The following ZNF438 variants were observed in gnomAD, a reference collection of about 807,000 sequenced individuals.
ZNF438 encodes zinc finger protein 438.
Under a neutral mutation model 38.0 loss-of-function variants are expected in ZNF438, and 25 were observed. That is an observed-to-expected ratio of 0.66 (90% confidence interval 0.48 to 0.92). The LOEUF is 0.92. Ranked by LOEUF, ZNF438 falls within the 40% of genes least tolerant of loss-of-function variation. The probability of loss-of-function intolerance (pLI) is 0.00; values close to 1 mark genes in which losing one functional copy is unlikely to be tolerated. For missense variants in ZNF438, 1,007 were observed against 999.6 expected (o/e 1.01, Z -0.10); for synonymous variants, 372 against 364.1 (o/e 1.02, Z -0.25).
chr10:30,977,022 T>C (rs1376310502), intron 1 of ZNF438, among the ~76,000 whole-genome samples: 1 of 152,158 alleles, frequency 6.6e-6, no homozygotes. Context: ...AAACTGATCA[T>C]AGGCTAGTCC....
chr10:30,986,944 T>C (rs1306001987), intron 1 of ZNF438, among the ~76,000 whole-genome samples: 2 of 152,154 alleles, frequency 1.3e-5, no homozygotes, highest in Non-Finnish European at 2.9e-5. Context: ...TACAGCATCA[T>C]AGAAAGAACA....
chr10:30,954,027 C>T (rs1449174432), intron 1 of ZNF438, among the ~76,000 whole-genome samples: 1 of 152,032 alleles, frequency 6.6e-6, no homozygotes, highest in African/African-American at 2.4e-5. Flanking sequence ...CCTGTAATCC[C>T]AGCTACTCAG....
intron 1 of ZNF438, among the ~76,000 whole-genome samples, chr10:30,957,558 C>A (rs1432618455): frequency 6.6e-6 from 1 of 152,126 alleles, no homozygotes; most frequent in East Asian, 1.9e-4. Context: ...AAACAGGTAT[C>A]TAGTTTCTGC....
At chr10:30,883,059 T>C (rs3006594) in intron 3 of ZNF438, among the ~76,000 whole-genome samples, 49,978 of 151,876 alleles carry the variant, frequency 0.33, 8,590 homozygotes, top group Middle Eastern at 0.4. Flanking sequence ...GATAATGCTC[T>C]ACTATAAAAA....
chr10:30,847,854 C>T (rs2032614748), intron 5 of ZNF438, among the ~76,000 whole-genome samples: 1 of 152,260 alleles, frequency 6.6e-6, no homozygotes, highest in African/African-American at 2.4e-5. Context: ...CGCTCACTCA[C>T]ACATCCCTCA....
intron 1 of ZNF438, among the ~76,000 whole-genome samples, chr10:31,005,864 G>C (rs963798214): frequency 7.9e-5 from 12 of 152,190 alleles, no homozygotes; most frequent in Non-Finnish European, 1.8e-4. Context: ...TATTGTGAAA[G>C]ATATGCATAT....
chr10:30,887,842 C>A (rs961829736), intron 3 of ZNF438, among the ~76,000 whole-genome samples: 1 of 152,172 alleles, frequency 6.6e-6, no homozygotes, highest in African/African-American at 2.4e-5. Flanking sequence ...TCCACCCTCA[C>A]CTATGGCCCC....
intron 1 of ZNF438, among the ~76,000 whole-genome samples, chr10:31,015,792 C>T (rs1589732161): frequency 6.6e-6 from 1 of 152,188 alleles, no homozygotes; most frequent in African/African-American, 2.4e-5. Flanking sequence ...AAGATCATGG[C>T]GCTGGCATTG....
At chr10:30,945,799 T>C (rs1589338248) in intron 1 of ZNF438, among the ~76,000 whole-genome samples, 1 of 110,814 alleles carries the variant, frequency 9.0e-6, no homozygotes, top group Admixed American at 1.1e-4. Flanking sequence ...ATCCAGTCTA[T>C]CATTGTTGGA....
intron 1 of ZNF438, among the ~76,000 whole-genome samples, chr10:30,948,100 T>G (rs1178649290): frequency 6.6e-6 from 1 of 151,940 alleles, no homozygotes; most frequent in Non-Finnish European, 1.5e-5. Flanking sequence ...CCCTGACCCC[T>G]GAGCAGCCTA....
intron 2 of ZNF438, among the ~76,000 whole-genome samples, chr10:30,939,027 C>T (rs1428834145): frequency 6.6e-6 from 1 of 152,140 alleles, no homozygotes; most frequent in Non-Finnish European, 1.5e-5. Flanking sequence ...ATCTCCTGAT[C>T]TTGTGATCTA....
intron 1 of ZNF438, among the ~76,000 whole-genome samples, chr10:31,025,755 T>G (rs2056896635): frequency 6.6e-6 from 1 of 152,164 alleles, no homozygotes; most frequent in Admixed American, 6.5e-5. Flanking sequence ...TAGCCATTAG[T>G]GTAATGTGTT....
At chr10:30,953,653 TAC>T (rs577376877) in intron 1 of ZNF438, among the ~76,000 whole-genome samples, 18,830 of 95,004 alleles carry the variant, frequency 0.2, 1,494 homozygotes, top group Middle Eastern at 0.34. Flanking sequence ...AAAAAAAACA[TAC>T]ACACACACAC....
Position 30,857,759 on chromosome 10 carries a change from T to C in ZNF438, c.38-7392A>G, listed in dbSNP as rs571153886. 4.4e-5 allele frequency: 64 copies of C among 1,457,862 alleles called. No homozygotes were observed. The Admixed American group carries it at 7.0e-4, about 16-fold the overall frequency. 90.3% of individuals were successfully genotyped at this position (1,457,862 alleles called of 1,614,324 possible). A position where few individuals can be genotyped will look rare whatever the true frequency, so the allele number is the denominator to read the frequency against. ...CAACGTGTGTCCTCCTCCTCCTCCA[T>C]TGCCATCAAAGGATTGGATCTGATG... On this transcript the variant is annotated intron_variant, in intron 4 of 5. Coordinates refer to ENST00000413025, the Ensembl canonical transcript of ZNF438.
intron 2 of ZNF438, among the ~76,000 whole-genome samples, chr10:30,930,025 G>A (rs936027243): frequency 1.6e-4 from 25 of 152,204 alleles, no homozygotes; most frequent in Admixed American, 9.8e-4. Flanking sequence ...CGCCAGGGCC[G>A]CAGGTGGAGC....
intron 1 of ZNF438, among the ~76,000 whole-genome samples, chr10:31,009,066 A>G (rs2055411840): frequency 6.6e-6 from 1 of 152,196 alleles, no homozygotes; most frequent in Non-Finnish European, 1.5e-5. Context: ...TCCTTAGAGA[A>G]ATGTCTATTT....
rs114115756 is a variant in ZNF438, at chr10:30,917,100, A to T, written c.-114-8085T>A. 7.5e-3 allele frequency among the ~76,000 whole-genome samples: 1,148 copies of T among 152,054 alleles called. 21 individuals are homozygous for T. The highest frequency in any genetic ancestry group is 0.027 in the African/African-American group (1,105 of 41,508). ...TAACCCAAATCATTACCACTACCCA[A>T]AGTTTGTTCCTTCAAAATCCTTCCC... is the stretch of plus-strand genomic sequence containing the variant. On this transcript the variant is annotated intron_variant, in intron 2 of 5. Coordinates refer to ENST00000413025, the Ensembl canonical transcript of ZNF438.
intron 1 of ZNF438, among the ~76,000 whole-genome samples, chr10:31,000,496 C>T: frequency 6.6e-6 from 1 of 152,222 alleles, no homozygotes; most frequent in East Asian, 1.9e-4. Flanking sequence ...ACCAAGTCTA[C>T]ATAGGCAAAT....
chr10:30,861,798 A>C (rs2035626849), intron 4 of ZNF438, among the ~76,000 whole-genome samples: 1 of 152,166 alleles, frequency 6.6e-6, no homozygotes, highest in Non-Finnish European at 1.5e-5. Flanking sequence ...AAAGTTGTTT[A>C]TTTTTTGGCA....
Sources: gnomAD v4.1 joint callset for allele counts (sites outside exome capture counted in the v4.1 genomes callset) on GRCh38, gnomAD v4.1.1 for gene constraint, MANE v1.5 for transcripts, NCBI Gene and HGNC (gene_info 2026-07-23, HGNC 2026-07-21) for gene names.